The following ZMYM2 variants were observed in gnomAD, a reference collection of about 807,000 sequenced individuals.
The protein encoded by ZMYM2 is zinc finger MYM-type containing 2.
A neutral mutation model predicts 162.8 loss-of-function variants in ZMYM2; 56 were observed. That is an observed-to-expected ratio of 0.34 (90% CI 0.28 to 0.43). The LOEUF is 0.43. Among genes scored for constraint, ZMYM2 ranks in the 20% least tolerant of loss-of-function variants. The pLI, the probability that ZMYM2 is intolerant of heterozygous loss-of-function variation, is 1.00. For missense variants in ZMYM2, 1,275 were observed against 1,621.8 expected (o/e 0.79, Z 3.67); for synonymous variants, 510 against 541.6 (o/e 0.94, Z 0.81).
intron 12 of ZMYM2, among the ~76,000 whole-genome samples, chr13:20,046,211 A>C (rs989776748): frequency 6.6e-6 from 1 of 152,030 alleles, no homozygotes; most frequent in African/African-American, 2.4e-5. Context: ...ACACCACTGC[A>C]CTTAAGCCTG....
chr13:20,012,643 C>T (rs1951299152), intron 6 of ZMYM2, among the ~76,000 whole-genome samples: 1 of 152,092 alleles, frequency 6.6e-6, no homozygotes, highest in African/African-American at 2.4e-5. Context: ...TTTTAATTTA[C>T]TTTTTGTTTA....
chr13:19,864,746 G>A, the ZMYM2 span: 1 of 152,316 alleles, frequency 6.6e-6, no homozygotes, highest in Admixed American at 6.5e-5. Context: ...CTATCGCGGG[G>A]CGCACCCGCT....
chr13:19,873,557 T>C, the ZMYM2 span, among the ~76,000 whole-genome samples: 1 of 152,008 alleles, frequency 6.6e-6, no homozygotes, highest in Non-Finnish European at 1.5e-5. Flanking sequence ...TACAGGCATG[T>C]GTCACCACGC....
At chr13:20,044,018 C>T (rs1028093234) in intron 12 of ZMYM2, among the ~76,000 whole-genome samples, 1 of 152,082 alleles carries the variant, frequency 6.6e-6, no homozygotes, top group Non-Finnish European at 1.5e-5. Context: ...CTGCAAGAGG[C>T]CAACAGATTA....
At chr13:19,980,752 CAA>C (rs914320015) in intron 2 of ZMYM2, among the ~76,000 whole-genome samples, 28 of 31,218 alleles carry the variant, frequency 9.0e-4, no homozygotes, top group South Asian at 4.4e-3. Flanking sequence ...GACTCCATCT[CAA>C]AAAAAAAAAA....
At chr13:19,931,148 AAT>A in the ZMYM2 span, among the ~76,000 whole-genome samples, 7 of 146,942 alleles carry the variant, frequency 4.8e-5, no homozygotes, top group African/African-American at 9.9e-5. Context: ...CAAAAAAAAA[AAT>A]AATAATAATA....
At position 20,034,256 on chromosome 13, in the gene ZMYM2, C is replaced by T; in HGVS notation, c.1971C>T (p.Asn657=). ...CSKPEILEWE[N]KVHQFCSKTC... is the part of the protein sequence containing the mutation. ...CAAGGTTCCCATTGTGCATTTAGAACAAAGTGCATCAGTTCTGCAGCAAAA... is the reference window on the plus strand; with the variant it reads ...CAAGGTTCCCATTGTGCATTTAGAATAAAGTGCATCAGTTCTGCAGCAAAA... The change falls in exon 11 of 25, where the codon AAC becomes AAT. Residue 657 remains asparagine (N), a splice_region_variant and synonymous_variant. Transcript: ENST00000610343. The T allele has an allele frequency of 1.9e-6, 3 of 1,583,176 alleles. No homozygotes were observed. Among genetic ancestry groups the T allele is most frequent in the Non-Finnish European group, 2.6e-6 (3 of 1,167,392 alleles).
the ZMYM2 span, among the ~76,000 whole-genome samples, chr13:19,897,266 C>T: frequency 6.6e-6 from 1 of 152,100 alleles, no homozygotes; most frequent in East Asian, 1.9e-4. Context: ...ACGTCCTTCT[C>T]TATTAGTAAT....
upstream of ZMYM2, among the ~76,000 whole-genome samples, chr13:19,955,959 C>A (rs1954504731): frequency 6.6e-6 from 1 of 152,016 alleles, no homozygotes. Context: ...TAGATTAATA[C>A]ACACACACAC....
chr13:20,073,823 G>GT (rs57880477), intron 21 of ZMYM2, among the ~76,000 whole-genome samples: 3 of 151,380 alleles, frequency 2.0e-5, no homozygotes, highest in African/African-American at 2.4e-5. Context: ...GTCTTAAATA[G>GT]TTTTTTTTTC....
At chr13:19,925,776 C>G in the ZMYM2 span, among the ~76,000 whole-genome samples, 1 of 149,580 alleles carries the variant, frequency 6.7e-6, no homozygotes, top group African/African-American at 2.5e-5. Flanking sequence ...GAGGCTGAGG[C>G]AGGAAAATTG....
chr13:19,937,446 T>C, the ZMYM2 span, among the ~76,000 whole-genome samples: 1 of 140,504 alleles, frequency 7.1e-6, no homozygotes, highest in Non-Finnish European at 1.5e-5. Flanking sequence ...CCTACCGGCC[T>C]AGTATTCCTC....
At chr13:20,042,758 A>G (rs916237537) in intron 12 of ZMYM2, among the ~76,000 whole-genome samples, 13 of 151,408 alleles carry the variant, frequency 8.6e-5, no homozygotes, top group African/African-American at 1.7e-4. Flanking sequence ...GGGTCTTGCT[A>G]TGTTGCCCAG....
intron 6 of ZMYM2, among the ~76,000 whole-genome samples, chr13:20,010,151 A>G (rs1245263840): frequency 6.6e-6 from 1 of 151,894 alleles, no homozygotes; most frequent in African/African-American, 2.4e-5. Context: ...TTTGATTTGC[A>G]TTTCCCTAAT....
At chr13:20,069,876 A>G (rs897626944) in intron 21 of ZMYM2, among the ~76,000 whole-genome samples, 13 of 152,140 alleles carry the variant, frequency 8.5e-5, no homozygotes, top group African/African-American at 2.9e-4. Context: ...ATTTATCACA[A>G]ATAAGGCAAC....
At chr13:20,009,793 TTC>T (rs1951028001) in intron 6 of ZMYM2, among the ~76,000 whole-genome samples, 1 of 152,336 alleles carries the variant, frequency 6.6e-6, no homozygotes, top group Non-Finnish European at 1.5e-5. Context: ...ATATGCCACA[TTC>T]TGTTTATCGA....
At chr13:19,947,547 C>T in the ZMYM2 span, among the ~76,000 whole-genome samples, 1 of 151,120 alleles carries the variant, frequency 6.6e-6, no homozygotes, top group African/African-American at 2.4e-5. Flanking sequence ...GCAACTTCCG[C>T]CTCTGGGTTC....
chr13:19,944,445 T>G, the ZMYM2 span, among the ~76,000 whole-genome samples: 1 of 152,176 alleles, frequency 6.6e-6, no homozygotes, highest in Non-Finnish European at 1.5e-5. Context: ...TATCTATGCA[T>G]GTTGATGTGA....
the ZMYM2 span, among the ~76,000 whole-genome samples, chr13:19,948,088 C>T: frequency 6.6e-6 from 1 of 151,538 alleles, no homozygotes; most frequent in East Asian, 1.9e-4. Context: ...GTGAAAATCC[C>T]AAATACTGAC....
Sources: gnomAD v4.1 joint callset for allele counts (sites outside exome capture counted in the v4.1 genomes callset) on GRCh38, gnomAD v4.1.1 for gene constraint, MANE v1.5 for transcripts, NCBI Gene and HGNC (gene_info 2026-07-23, HGNC 2026-07-21) for gene names.